Variants in SLC35F2 observed in about 807,000 individuals in gnomAD.
SLC35F2 encodes solute carrier family 35 member F2.
SLC35F2 carries 25 observed loss-of-function variants against 38.1 expected under a neutral mutation model. That is an observed-to-expected ratio of 0.66 (90% confidence interval 0.48 to 0.92). The LOEUF is 0.92. Ranked by LOEUF, SLC35F2 falls within the 40% of genes least tolerant of loss-of-function variation. The probability of loss-of-function intolerance (pLI) is 0.00; values close to 1 mark genes in which losing one functional copy is unlikely to be tolerated. For missense variants in SLC35F2, 409 were observed against 452.9 expected, an observed-to-expected ratio of 0.90 and a Z score of 0.88; for synonymous variants, 173 against 181.7, an observed-to-expected ratio of 0.95 and a Z score of 0.38.
At chr11:107,822,173 G>A (rs1859682001) in intron 1 of SLC35F2, among the ~76,000 whole-genome samples, 1 of 152,136 alleles carries the variant, frequency 6.6e-6, no homozygotes, top group Admixed American at 6.5e-5. Context: ...AACCCAGGAG[G>A]CAGAGGCTGC....
intron 1 of SLC35F2, among the ~76,000 whole-genome samples, chr11:107,850,616 G>A (rs1860164718): frequency 1.3e-5 from 2 of 152,014 alleles, no homozygotes. Context: ...GAGGCCAGGA[G>A]TTCGAGACCA....
intron 1 of SLC35F2, among the ~76,000 whole-genome samples, chr11:107,856,001 A>T (rs1311730394): frequency 6.7e-6 from 1 of 148,208 alleles, no homozygotes; most frequent in East Asian, 2.1e-4. Context: ...GCTACTCAGG[A>T]GGCTGAGGCA....
At chr11:107,818,704 A>G (rs1014616584) in intron 1 of SLC35F2, among the ~76,000 whole-genome samples, 2 of 152,216 alleles carry the variant, frequency 1.3e-5, no homozygotes, top group African/African-American at 4.8e-5. Context: ...ATAGTACTCT[A>G]CCACATGACT....
At chr11:107,818,130 A>AAGAG (rs1201338547) in intron 1 of SLC35F2, among the ~76,000 whole-genome samples, 2 of 149,618 alleles carry the variant, frequency 1.3e-5, no homozygotes, top group Non-Finnish European at 3.0e-5. Context: ...GAAAGAAAGA[A>AAGAG]AGAAAAAGAA....
At chr11:107,805,048 G>T in intron 5 of SLC35F2, 1 of 985,086 alleles carries the variant, frequency 1.0e-6, no homozygotes, top group Non-Finnish European at 1.2e-6. Flanking sequence ...AGCTTAGGAA[G>T]TTAATGTGTT....
intron 7 of SLC35F2, 145 bp downstream of exon 7, chr11:107,802,856 G>C: frequency 1.3e-6 from 1 of 744,690 alleles, no homozygotes. Flanking sequence ...TTGTAATTCA[G>C]AAGCAGCAAA....
At chr11:107,817,225 G>A (rs1026110369) in intron 1 of SLC35F2, among the ~76,000 whole-genome samples, 10 of 151,902 alleles carry the variant, frequency 6.6e-5, no homozygotes, top group East Asian at 1.9e-4. Context: ...GCAGTGAGCC[G>A]AGACTGTACC....
chr11:107,832,055 T>C (rs1281342174), intron 1 of SLC35F2, among the ~76,000 whole-genome samples: 2 of 152,196 alleles, frequency 1.3e-5, no homozygotes, highest in East Asian at 3.8e-4. Context: ...TTTTTTCTGC[T>C]GATCTTCACC....
At chr11:107,854,592 CATT>C (rs1474559690) in intron 1 of SLC35F2, among the ~76,000 whole-genome samples, 3 of 152,130 alleles carry the variant, frequency 2.0e-5, no homozygotes, top group Non-Finnish European at 4.4e-5. Flanking sequence ...ATATGGTTCT[CATT>C]ATCATGAATG....
At chr11:107,828,348 C>T (rs1035106636) in intron 1 of SLC35F2, among the ~76,000 whole-genome samples, 1 of 150,974 alleles carries the variant, frequency 6.6e-6, no homozygotes, top group African/African-American at 2.4e-5. Context: ...GCAGGAGAAT[C>T]GCTTGAAACC....
intron 3 of SLC35F2, among the ~76,000 whole-genome samples, chr11:107,808,671 A>G (rs1439075245): frequency 6.6e-6 from 1 of 152,186 alleles, no homozygotes; most frequent in African/African-American, 2.4e-5. Context: ...GTGGAGTCCA[A>G]CGCATCATGT....
At chr11:107,844,730 T>C (rs1175217618) in intron 1 of SLC35F2, among the ~76,000 whole-genome samples, 1 of 151,986 alleles carries the variant, frequency 6.6e-6, no homozygotes, top group Non-Finnish European at 1.5e-5. Flanking sequence ...ATCCCAGCAC[T>C]TTGGGAGGCC....
chr11:107,845,912 C>T (rs890998312), intron 1 of SLC35F2, among the ~76,000 whole-genome samples: 17 of 151,296 alleles, frequency 1.1e-4, no homozygotes, highest in African/African-American at 3.2e-4. Flanking sequence ...AAGATCGCGC[C>T]GTTGCACTCC....
At chr11:107,810,501 G>GTA in intron 3 of SLC35F2, 1 of 984,784 alleles carries the variant, frequency 1.0e-6, no homozygotes, top group Non-Finnish European at 1.2e-6. Flanking sequence ...ACATACTTAT[G>GTA]TATACTTCAT....
chr11:107,805,015 ATAT>A (rs1859370888), intron 5 of SLC35F2: 5 of 979,466 alleles, frequency 5.1e-6, no homozygotes, highest in Non-Finnish European at 4.9e-6. Flanking sequence ...GGAAAATATG[ATAT>A]TATGCTTTGT....
intron 1 of SLC35F2, among the ~76,000 whole-genome samples, chr11:107,822,660 G>A (rs1299619367): frequency 6.6e-6 from 1 of 152,194 alleles, no homozygotes; most frequent in Non-Finnish European, 1.5e-5. Flanking sequence ...ATGATTAATA[G>A]TGCCTGGCAA....
At chr11:107,839,510 T>C (rs1162837464) in intron 1 of SLC35F2, among the ~76,000 whole-genome samples, 2 of 152,182 alleles carry the variant, frequency 1.3e-5, no homozygotes, top group Non-Finnish European at 2.9e-5. Flanking sequence ...CAAAGGGTAC[T>C]GATTAGCCAA....
At position 107,803,776 on chromosome 11, in the gene SLC35F2, A is replaced by AACACACACACACACAC. The variant is rs71047623; in HGVS notation, c.785-637_785-622dup. On this transcript the variant is annotated intron_variant, in intron 6 of 7. Transcript: ENST00000525815. ...ACTTCTTTAATCTCATCCCATACTCAACACACACACACACACACACACACT... is the reference window on the plus strand; with the variant it reads ...ACTTCTTTAATCTCATCCCATACTCAACACACACACACACACACACACACACACACACACACACACT... Among the ~76,000 whole-genome samples, 738 of 149,574 alleles carry AACACACACACACACAC rather than the reference A, an allele frequency of 4.9e-3. 4 individuals carry two copies. Among genetic ancestry groups the AACACACACACACACAC allele is most frequent in the African/African-American group, 0.012 (501 of 40,354 alleles).
intron 5 of SLC35F2, chr11:107,804,984 A>C (rs17107492): frequency 0.075 from 71,292 of 945,432 alleles, 5,098 homozygotes; most frequent in East Asian, 0.42. Context: ...AGGTGCTCTG[A>C]AATAATAGTC....
Sources: gnomAD v4.1 joint callset for allele counts (sites outside exome capture counted in the v4.1 genomes callset) on GRCh38, gnomAD v4.1.1 for gene constraint, MANE v1.5 for transcripts, NCBI Gene and HGNC (gene_info 2026-07-23, HGNC 2026-07-21) for gene names.